VWA2: variants seen among roughly 807,000 people sequenced by gnomAD.
VWA2 encodes the protein von Willebrand factor A domain-containing protein 2.
Under a neutral mutation model 70.4 loss-of-function variants are expected in VWA2, and 73 were observed. The ratio of observed to expected loss-of-function variants is 1.04; its 90% confidence interval spans 0.86 to 1.26. The LOEUF (loss-of-function observed/expected upper bound fraction) is 1.26. VWA2 is among the 50% of genes most tolerant of loss of function. VWA2 has a pLI of 0.00. For missense variants in VWA2, 1,011 were observed against 998.5 expected, an observed-to-expected ratio of 1.01 and a Z score of -0.17; for synonymous variants, 407 against 423.3, an observed-to-expected ratio of 0.96 and a Z score of 0.47.
Position 114,293,534 on chromosome 10 carries a change from G to C in VWA2, c.*2297G>C, listed in dbSNP as rs1041349746. ...AGTGCCACTAAATAGTTCAGCTTTT[G>C]TCAGTCCCCCAGGAAAGTGCTATCC... On this transcript the variant is annotated 3_prime_UTR_variant, in exon 14 of 14. Transcript: ENST00000392982. 1.3e-5 allele frequency among the ~76,000 whole-genome samples: 2 copies of C among 152,050 alleles called. No homozygotes were observed. The highest frequency in any genetic ancestry group is 4.8e-5 in the African/African-American group (2 of 41,384).
At chr10:114,277,168 CTTT>C (rs780326649) in intron 6 of VWA2, among the ~76,000 whole-genome samples, 3 of 61,216 alleles carry the variant, frequency 4.9e-5, no homozygotes, top group Admixed American at 1.9e-4. Context: ...GACTGCACGT[CTTT>C]TTTTTTTTTT....
intron 3 of VWA2, among the ~76,000 whole-genome samples, chr10:114,254,432 C>T (rs890981579): frequency 2.0e-5 from 3 of 152,130 alleles, no homozygotes; most frequent in Non-Finnish European, 2.9e-5. Flanking sequence ...GTTACCTGCT[C>T]ACCAGGTAAC....
At chr10:114,280,373 A>G (rs749898418) in intron 8 of VWA2, among the ~76,000 whole-genome samples, 19 of 152,188 alleles carry the variant, frequency 1.2e-4, no homozygotes, top group Admixed American at 6.5e-5. Context: ...TACAGAAAAT[A>G]AACTGTTCAG....
At position 114,257,531 on chromosome 10, in the gene VWA2, C is replaced by T. The variant is rs137919912; in HGVS notation, c.261+2483C>T. Among the ~76,000 whole-genome samples, 680 of 152,208 alleles carry T rather than the reference C, an allele frequency of 4.5e-3. 6 individuals are homozygous for T. The highest frequency in any genetic ancestry group is 0.016 in the African/African-American group (648 of 41,518). ...AGGCTCAGAGAGGCTAAGTGACTGC[C>T]GAGGGTCACACAGCAACCTCAGGAG... On this transcript the variant is annotated intron_variant, in intron 4 of 13. Transcript: ENST00000392982.
intron 5 of VWA2, among the ~76,000 whole-genome samples, chr10:114,261,936 G>A (rs1041098897): frequency 1.3e-5 from 2 of 152,126 alleles, no homozygotes; most frequent in African/African-American, 2.4e-5. Context: ...CAATCATGGC[G>A]GAAGGCAAAG....
At chr10:114,262,815 C>G (rs1279777966) in intron 5 of VWA2, among the ~76,000 whole-genome samples, 1 of 152,186 alleles carries the variant, frequency 6.6e-6, no homozygotes, top group Non-Finnish European at 1.5e-5. Context: ...GGAAAGAGCT[C>G]ATTAATATGT....
chr10:114,255,771 ATT>A (rs34578196), intron 4 of VWA2, among the ~76,000 whole-genome samples: 320 of 149,452 alleles, frequency 2.1e-3, no homozygotes, highest in African/African-American at 7.1e-3. Context: ...TAAAAGGGGC[ATT>A]TTTTTTTTTA....
chr10:114,256,377 A>G (rs2037327942), intron 4 of VWA2, among the ~76,000 whole-genome samples: 1 of 152,190 alleles, frequency 6.6e-6, no homozygotes, highest in South Asian at 2.1e-4. Flanking sequence ...GTTACTTTCT[A>G]TGTAAAAGAT....
In VWA2 at chr10:114,286,349, G is replaced by A. The variant is rs2038894513; in HGVS notation, c.1408G>A (p.Ala470Thr). The A allele has an allele frequency of 1.9e-6, 3 of 1,613,666 alleles. No individual in the cohort carries two copies. In the East Asian group the frequency reaches 6.7e-5, roughly 36 times the overall value. Reference protein sequence around the residue: ...EVAGPARHARARELLLLGVGS... With the variant: ...EVAGPARHARTRELLLLGVGS... ...TGCGGGCCCAGCGCGTCACGCAAGG[G>A]CGCGAGAGCTGCTCCTGCTGGGTGT... is the stretch of plus-strand genomic sequence containing the variant. The change falls in exon 11 of 14, where the codon GCG becomes ACG. Residue 470 changes from alanine to threonine, a missense_variant. Ala to Thr is a moderately conservative substitution (Grantham distance 58, BLOSUM62 0). Coordinates refer to ENST00000392982, the MANE Select transcript of VWA2 (RefSeq NM_001272046.2).
chr10:114,242,235 G>A (rs1056185748), intron 1 of VWA2, among the ~76,000 whole-genome samples: 1 of 152,178 alleles, frequency 6.6e-6, no homozygotes. Flanking sequence ...CCTTTGCATC[G>A]TGGTTTCATG....
Position 114,289,451 on chromosome 10 carries a change from G to T in VWA2, c.2084G>T (p.Arg695Leu), listed in dbSNP as rs774478482. The change falls in exon 12 of 14, where the codon CGG becomes CTG. Residue 695 changes from arginine (R) to leucine (L), a missense_variant. Coordinates refer to ENST00000392982, the MANE Select transcript of VWA2 (RefSeq NM_001272046.2). ...CACGTGGCAGCTTACGCCGACCTGC[G>T]GTACCACCAGGACGTGCTCATTGAG... ...LIHVAAYADLRYHQDVLIEWL... is the reference protein window; with the variant it reads ...LIHVAAYADLLYHQDVLIEWL... 4.3e-6 allele frequency: 7 copies of T among 1,614,136 alleles called. No individual in the cohort carries two copies. In the Middle Eastern group the frequency reaches 4.9e-4, roughly 114 times the overall value.
chr10:114,246,059 ACCTGCC>A, intron 1 of VWA2: 1 of 480,812 alleles, frequency 2.1e-6, no homozygotes, highest in Non-Finnish European at 4.1e-6. Context: ...ACCCTGGACT[ACCTGCC>A]CCCGCCCCCC....
At chr10:114,272,433 T>G (rs1304498357) in intron 5 of VWA2, among the ~76,000 whole-genome samples, 4 of 152,106 alleles carry the variant, frequency 2.6e-5, no homozygotes, top group Non-Finnish European at 5.9e-5. Flanking sequence ...AGGCAGGTGT[T>G]AGACAAATGA....
At chr10:114,266,473 C>T (rs2037569047) in intron 5 of VWA2, among the ~76,000 whole-genome samples, 1 of 152,256 alleles carries the variant, frequency 6.6e-6, no homozygotes, top group African/African-American at 2.4e-5. Context: ...GACAGCTCAA[C>T]TCAAACCCAG....
chr10:114,271,388 G>A (rs902677107), intron 5 of VWA2, among the ~76,000 whole-genome samples: 4 of 152,190 alleles, frequency 2.6e-5, no homozygotes, highest in Non-Finnish European at 4.4e-5. Context: ...AGCAATAAAA[G>A]TGAAGAATAT....
At chr10:114,270,635 G>T (rs1267950545) in intron 5 of VWA2, among the ~76,000 whole-genome samples, 1 of 152,166 alleles carries the variant, frequency 6.6e-6, no homozygotes, top group Non-Finnish European at 1.5e-5. Context: ...CCTCCCAGGA[G>T]CCCTGGAGGA....
At chr10:114,278,689 C>T (rs1370819645) in intron 7 of VWA2, 30 bp from the exon 8 acceptor site, 8 of 1,610,722 alleles carry the variant, frequency 5.0e-6, no homozygotes, top group South Asian at 3.3e-5. Context: ...CTGTCTCCTC[C>T]GTGGGTGTGG....
Position 114,290,373 on chromosome 10 carries a change from G to T in VWA2, c.2248+8G>T. ...GCCCCCACTGCGAGAACCGTGAGTG[G>T]AGCTCTTGCTCTGTATGTGTGAGCC... On this transcript the variant is annotated splice_region_variant and intron_variant, in intron 13 of 13. Coordinates refer to ENST00000392982, the MANE Select transcript of VWA2 (RefSeq NM_001272046.2). 6.4e-7 allele frequency: 1 copy of T among 1,550,428 alleles called. No individual in the cohort carries two copies. The highest frequency in any genetic ancestry group is 1.2e-5 in the South Asian group (1 of 84,038).
chr10:114,268,757 C>CG (rs1336471214), intron 5 of VWA2, among the ~76,000 whole-genome samples: 1 of 150,190 alleles, frequency 6.7e-6, no homozygotes, highest in African/African-American at 2.5e-5. Flanking sequence ...TGCAGTGGCG[C>CG]GATCTTGGCT....
Sources: gnomAD v4.1 joint callset for allele counts (sites outside exome capture counted in the v4.1 genomes callset) on GRCh38, gnomAD v4.1.1 for gene constraint, MANE v1.5 for transcripts, NCBI Gene and HGNC (gene_info 2026-07-23, HGNC 2026-07-21) for gene names.